ARSF: variants seen among roughly 807,000 people sequenced by gnomAD.
ARSF encodes the protein arylsulfatase F.
A neutral mutation model predicts 35.4 loss-of-function variants in ARSF; 33 were observed. That is an observed-to-expected ratio of 0.93 (90% CI 0.71 to 1.25). The LOEUF is 1.25. Among genes scored for constraint, ARSF ranks in the 50% most tolerant of loss-of-function variants. The pLI is 0.00. For missense variants in ARSF, 501 were observed against 480.2 expected (o/e 1.04, Z -0.40); for synonymous variants, 222 against 193.1 (o/e 1.15, Z -1.24).
intron 8 of ARSF, among the ~76,000 whole-genome samples, chrX:3,103,194 C>T (rs757594258): frequency 1.8e-5 from 2 of 111,111 alleles, no homozygotes; most frequent in South Asian, 7.7e-4. Flanking sequence ...CAGAAATCCT[C>T]GTCTTCATGG....
intron 5 of ARSF, among the ~76,000 whole-genome samples, chrX:3,082,892 T>C (rs181637803): frequency 1.5e-3 from 171 of 111,350 alleles, no homozygotes; most frequent in African/African-American, 4.7e-3. Flanking sequence ...GGTATCCATC[T>C]GTCCACCTAC....
At chrX:3,072,465 G>A (rs953916278) in intron 3 of ARSF, among the ~76,000 whole-genome samples, 1 of 111,407 alleles carries the variant, frequency 9.0e-6, no homozygotes, top group Non-Finnish European at 1.9e-5. Flanking sequence ...ATAGTGATCA[G>A]ATCAGGGTAA....
At chrX:3,105,654 G>A (rs1287977091) in intron 9 of ARSF, among the ~76,000 whole-genome samples, 6 of 110,582 alleles carry the variant, frequency 5.4e-5, no homozygotes, top group Non-Finnish European at 9.4e-5. Flanking sequence ...TTGTAGAGAT[G>A]GGTTTTCGCC....
intron 1 of ARSF, among the ~76,000 whole-genome samples, chrX:3,047,047 C>T (rs764924425): frequency 7.2e-5 from 8 of 111,307 alleles, no homozygotes; most frequent in Non-Finnish European, 1.1e-4. Context: ...TCCTAAGCCA[C>T]GTGCGGCCCG....
chrX:3,079,825 G>A (rs750392540), intron 4 of ARSF, among the ~76,000 whole-genome samples: 40 of 106,989 alleles, frequency 3.7e-4, no homozygotes, highest in African/African-American at 1.3e-3. Context: ...TGGGCATGGT[G>A]GTACATACCT....
At chrX:3,042,869 AAGTT>A (rs1259767265) in intron 1 of ARSF, among the ~76,000 whole-genome samples, 1 of 110,886 alleles carries the variant, frequency 9.0e-6, no homozygotes, top group Non-Finnish European at 1.9e-5. Context: ...GATGTAAAGA[AAGTT>A]AGGCTGCGTG....
At chrX:3,073,083 A>G (rs896681516) in intron 3 of ARSF, among the ~76,000 whole-genome samples, 49 of 100,113 alleles carry the variant, frequency 4.9e-4, no homozygotes, top group Non-Finnish European at 8.5e-4. Flanking sequence ...ATATATTTAT[A>G]TATTTTATAA....
intron 6 of ARSF, among the ~76,000 whole-genome samples, chrX:3,088,590 A>G (rs766728559): frequency 1.9e-5 from 2 of 106,440 alleles, no homozygotes; most frequent in African/African-American, 6.9e-5. Context: ...GAGACTGAGT[A>G]TCACTCTGTT....
intron 7 of ARSF, among the ~76,000 whole-genome samples, chrX:3,092,262 C>T (rs944159926): frequency 9.0e-6 from 1 of 111,280 alleles, no homozygotes; most frequent in Non-Finnish European, 1.9e-5. Flanking sequence ...TTTCTGCCTC[C>T]ACCAGCACTA....
At chrX:3,110,964 G>A (rs1459327258) in intron 10 of ARSF, among the ~76,000 whole-genome samples, 1 of 111,940 alleles carries the variant, frequency 8.9e-6, no homozygotes, top group Non-Finnish European at 1.9e-5. Context: ...GCTGGAAAAT[G>A]TGTATATCAT....
chrX:3,072,221 T>C, intron 3 of ARSF, 46 bp downstream of exon 3: 1 of 1,177,079 alleles, frequency 8.5e-7, no homozygotes. Context: ...GTCGTTCAGG[T>C]TCAGCAGGCT....
At chrX:3,071,171 C>T in intron 2 of ARSF, among the ~76,000 whole-genome samples, 1 of 111,444 alleles carries the variant, frequency 9.0e-6, no homozygotes, top group Non-Finnish European at 1.9e-5. Context: ...CAATCTATAG[C>T]TATCTATCTC....
chrX:3,081,695 A>G (rs1166876186), intron 5 of ARSF, among the ~76,000 whole-genome samples: 2 of 111,101 alleles, frequency 1.8e-5, no homozygotes, highest in African/African-American at 6.6e-5. Flanking sequence ...TTACAAGAAC[A>G]TAAAATTTTT....
chrX:3,099,200 C>A lies in ARSF; in HGVS notation c.968-1887C>A, dbSNP rs558462614. 2.2e-4 allele frequency among the ~76,000 whole-genome samples: 25 copies of A among 111,820 alleles called. 1 individual carries two copies. The East Asian group carries it at 3.1e-3, about 14-fold the overall frequency. On this transcript the variant is annotated intron_variant, in intron 7 of 10. Coordinates refer to ENST00000381127, the MANE Select transcript of ARSF (RefSeq NM_001201539.2). Reference sequence around the variant, plus strand: ...ATTCTCCTACATCATCACTGCGAATCATCAAAATCGGGAAATTAACATGGG... The same window carrying A: ...ATTCTCCTACATCATCACTGCGAATAATCAAAATCGGGAAATTAACATGGG...
In ARSF at chrX:3,072,187, T is replaced by C. The variant is rs1338064966; in HGVS notation, c.161+12T>C. ...AATGACACCATGAGGTAAGGCGGTT[T>C]CATGGCCAGTCATACGTTCGTCAGT... On this transcript the variant is annotated intron_variant, in intron 3 of 10. Coordinates refer to ENST00000381127, the MANE Select transcript of ARSF (RefSeq NM_001201539.2). 8.3e-7 allele frequency: 1 copy of C among 1,205,491 alleles called. No individual in the cohort carries two copies.
chrX:3,072,220 G>C lies in ARSF; in HGVS notation c.161+45G>C, dbSNP rs73439691. On this transcript the variant is annotated intron_variant, in intron 3 of 10. Transcript: ENST00000381127. ...AGTCATACGTTCGTCAGTCGTTCAG[G>C]TTCAGCAGGCTGGCTGTACGGCTGC... is the stretch of plus-strand genomic sequence containing the variant. 1.4e-3 allele frequency: 1,697 copies of C among 1,177,217 alleles called. 21 individuals are homozygous for C. The African/African-American group carries it at 0.027, about 19-fold the overall frequency.
At chrX:3,102,910 C>CA (rs1331551060) in intron 8 of ARSF, among the ~76,000 whole-genome samples, 4,336 of 96,625 alleles carry the variant, frequency 0.045, 218 homozygotes, top group African/African-American at 0.15. Flanking sequence ...GACTCCATCT[C>CA]AAAAAAAAAA....
At chrX:3,076,355 CCTTT>C (rs914761912) in intron 3 of ARSF, among the ~76,000 whole-genome samples, 189 bp from the exon 4 acceptor site, 28 of 108,052 alleles carry the variant, frequency 2.6e-4, no homozygotes, top group African/African-American at 9.1e-4. Context: ...TCTCTTTCAT[CCTTT>C]CTTTCTGTCT....
intron 7 of ARSF, among the ~76,000 whole-genome samples, chrX:3,096,772 G>A (rs753288246): frequency 5.4e-5 from 6 of 110,601 alleles, no homozygotes; most frequent in Non-Finnish European, 1.1e-4. Context: ...AGGTGGCAGG[G>A]GTGAAAGGTG....
Sources: gnomAD v4.1 joint callset for allele counts (sites outside exome capture counted in the v4.1 genomes callset) on GRCh38, gnomAD v4.1.1 for gene constraint, MANE v1.5 for transcripts, NCBI Gene and HGNC (gene_info 2026-07-23, HGNC 2026-07-21) for gene names.